Variants in CCSER1 observed in about 807,000 individuals in gnomAD.
CCSER1 encodes coiled-coil serine rich protein 1, also known as serine-rich coiled-coil domain-containing protein 1.
Under a neutral mutation model 82.0 loss-of-function variants are expected in CCSER1, and 41 were observed. The ratio of observed to expected loss-of-function variants is 0.50; its 90% CI spans 0.39 to 0.65. The LOEUF (loss-of-function observed/expected upper bound fraction) is 0.65. Ranked by LOEUF, CCSER1 falls within the 30% of genes least tolerant of loss-of-function variation. The pLI, the probability that CCSER1 is intolerant of heterozygous loss-of-function variation, is 0.00. For missense variants in CCSER1, 1,119 were observed against 1,064.2 expected (o/e 1.05, Z -0.72); for synonymous variants, 414 against 383.9 (o/e 1.08, Z -0.92).
At chr4:91,309,601 C>T (rs1363524393) in intron 10 of CCSER1, among the ~76,000 whole-genome samples, 1 of 150,684 alleles carries the variant, frequency 6.6e-6, no homozygotes, top group Non-Finnish European at 1.5e-5. Context: ...TTGCTTAAGA[C>T]AGTGTTACAT....
In CCSER1 at chr4:90,595,267, A is replaced by T. The variant is rs1477353637; in HGVS notation, c.1725-32758A>T. 2.0e-5 allele frequency among the ~76,000 whole-genome samples: 3 copies of T among 152,018 alleles called. 1 individual carries two copies. Among genetic ancestry groups the T allele is most frequent in the Admixed American group, 1.3e-4 (2 of 15,214 alleles). ...GTGGTCTATAAGAAAAAGCAAAGAA[A>T]ATACTGTTGCCTCAAACAGTTATTT... On this transcript the variant is annotated intron_variant, in intron 5 of 10. Transcript: ENST00000509176.
chr4:90,405,047 T>A (rs1277522385), intron 4 of CCSER1, among the ~76,000 whole-genome samples: 1 of 151,752 alleles, frequency 6.6e-6, no homozygotes, highest in Non-Finnish European at 1.5e-5. Context: ...AATTAGAAGG[T>A]CGATTATTAA....
intron 6 of CCSER1, among the ~76,000 whole-genome samples, chr4:90,666,212 T>C (rs1478679773): frequency 6.6e-6 from 1 of 152,212 alleles, no homozygotes; most frequent in Non-Finnish European, 1.5e-5. Flanking sequence ...ATATTAAGTC[T>C]ACACAGGGGA....
intron 7 of CCSER1, among the ~76,000 whole-genome samples, chr4:90,761,151 C>T (rs1347505551): frequency 1.3e-5 from 2 of 152,068 alleles, no homozygotes; most frequent in Non-Finnish European, 2.9e-5. Flanking sequence ...GTAGATGATG[C>T]TGTCGTTACT....
rs1725588344 is a variant in CCSER1 at position 91,106,121 on chromosome 4, AGGGT to A, written c.2217+20128_2217+20131del. Among the ~76,000 whole-genome samples the A allele has an allele frequency of 2.0e-5, 3 of 152,350 alleles. No individual in the cohort carries two copies. The South Asian group carries it at 6.2e-4, about 32-fold the overall frequency. The stretch of plus-strand genomic sequence containing the variant: ...ATTTCACTCTGAACACTAGAAAAAC[AGGGT>A]CCTGTCTCTTCGCCATAAAAAATGA... On this transcript the variant is annotated intron_variant, in intron 10 of 10. Coordinates refer to ENST00000509176, the MANE Select transcript of CCSER1 (RefSeq NM_001145065.2).
intron 10 of CCSER1, among the ~76,000 whole-genome samples, chr4:91,579,699 C>A (rs574832368): frequency 9.0e-4 from 137 of 151,732 alleles, no homozygotes; most frequent in African/African-American, 3.3e-3. Context: ...AAAGAAAAAT[C>A]AAAATACCTT....
chr4:90,229,000 G>A (rs1396192102), intron 1 of CCSER1, among the ~76,000 whole-genome samples: 1 of 152,178 alleles, frequency 6.6e-6, no homozygotes, highest in Non-Finnish European at 1.5e-5. Context: ...TCTGATTGGT[G>A]TAACTGAAAG....
At chr4:90,442,856 A>T (rs1252283798) in intron 4 of CCSER1, among the ~76,000 whole-genome samples, 1 of 152,174 alleles carries the variant, frequency 6.6e-6, no homozygotes, top group Admixed American at 6.5e-5. Context: ...GCTGACAGAG[A>T]GAGTGCCGGT....
At position 91,601,916 on chromosome 4, in the gene CCSER1, T is replaced by A. The variant is rs1409716946; in HGVS notation, c.*2859T>A. The A allele has an allele frequency of 6.6e-6, 1 of 152,062 alleles. No homozygotes were observed. Among genetic ancestry groups the A allele is most frequent in the African/African-American group, 2.4e-5 (1 of 41,440 alleles). The allele number at this position is 152,062 out of a possible 1,614,324, so 9.4% of individuals were successfully genotyped here. A position where few individuals can be genotyped will look rare whatever the true frequency, so the allele number is the denominator to read the frequency against. Reference sequence around the variant, plus strand: ...AATTATTGGAACATGAAACTGTATTTCTATGAACTCAATGATTTTTTTCCA... The same window carrying A: ...AATTATTGGAACATGAAACTGTATTACTATGAACTCAATGATTTTTTTCCA... On this transcript the variant is annotated 3_prime_UTR_variant, in exon 11 of 11. Transcript: ENST00000509176.
At chr4:90,568,010 T>A (rs1779611073) in intron 5 of CCSER1, among the ~76,000 whole-genome samples, 1 of 152,222 alleles carries the variant, frequency 6.6e-6, no homozygotes, top group Non-Finnish European at 1.5e-5. Context: ...TTTTGAAGTT[T>A]CTTCCGTTAT....
chr4:90,611,059 C>CTTTTTTTTTTTTTTTTTTTTTTTTTTTT lies in CCSER1; in HGVS notation c.1725-16946_1725-16945insTTTTTTTTTTTTTTTTTTTTTTTTTTTT, dbSNP rs201354908. Among the ~76,000 whole-genome samples the CTTTTTTTTTTTTTTTTTTTTTTTTTTTT allele has an allele frequency of 8.5e-5, 8 of 93,808 alleles. 2 individuals carry two copies. The highest frequency in any genetic ancestry group is 1.7e-4 in the African/African-American group (3 of 17,942). 61.5% of individuals were successfully genotyped at this position (93,808 alleles called of 152,430 possible). A position where few individuals can be genotyped will look rare whatever the true frequency, so the allele number is the denominator to read the frequency against. ...TGCCTGGCTAATTTTCTTTTCTTTT[C>CTTTTTTTTTTTTTTTTTTTTTTTTTTTT]TTTTTTTTTTTTTTTTTTTTGTAGA... On this transcript the variant is annotated intron_variant, in intron 5 of 10. Coordinates refer to ENST00000509176, the MANE Select transcript of CCSER1 (RefSeq NM_001145065.2).
intron 10 of CCSER1, chr4:91,108,074 T>C (rs950242916): frequency 8.5e-5 from 13 of 152,250 alleles, no homozygotes; most frequent in African/African-American, 3.1e-4. Context: ...GAAAGTCTTA[T>C]CTTTCATTGA....
At chr4:91,254,958 CTA>C (rs1326576185) in intron 10 of CCSER1, among the ~76,000 whole-genome samples, 1 of 152,056 alleles carries the variant, frequency 6.6e-6, no homozygotes, top group Non-Finnish European at 1.5e-5. Flanking sequence ...TCTATTATCT[CTA>C]TGATTTTTAC....
At chr4:90,646,575 T>C (rs1727644945) in intron 6 of CCSER1, among the ~76,000 whole-genome samples, 1 of 152,204 alleles carries the variant, frequency 6.6e-6, no homozygotes, top group South Asian at 2.1e-4. Context: ...CCAGGAAGTA[T>C]GTCTGCATTC....
chr4:91,503,932 G>A (rs1465528918), intron 10 of CCSER1, among the ~76,000 whole-genome samples: 1 of 152,132 alleles, frequency 6.6e-6, no homozygotes, highest in African/African-American at 2.4e-5. Flanking sequence ...AGTTTAATAA[G>A]TACCACTAAA....
At chr4:90,703,201 A>T (rs570846719) in intron 6 of CCSER1, among the ~76,000 whole-genome samples, 74 of 152,222 alleles carry the variant, frequency 4.9e-4, no homozygotes, top group African/African-American at 1.7e-3. Flanking sequence ...TCAAAGAACA[A>T]CTTTATTTCT....
chr4:90,143,731 C>T (rs563045580), intron 1 of CCSER1, among the ~76,000 whole-genome samples: 1 of 147,532 alleles, frequency 6.8e-6, no homozygotes, highest in East Asian at 2.0e-4. Flanking sequence ...GTCACCCAAG[C>T]TGGAGTGCAG....
chr4:90,193,003 T>C (rs1735939066), intron 1 of CCSER1, among the ~76,000 whole-genome samples: 1 of 152,094 alleles, frequency 6.6e-6, no homozygotes, highest in Admixed American at 6.6e-5. Flanking sequence ...AGGATTCCTA[T>C]TACCACCTCA....
At chr4:91,366,267 C>A (rs576318191) in intron 10 of CCSER1, among the ~76,000 whole-genome samples, 1 of 152,114 alleles carries the variant, frequency 6.6e-6, no homozygotes, top group Non-Finnish European at 1.5e-5. Context: ...GTGGTCCATC[C>A]GCCTCGGCCT....
Sources: allele counts gnomAD v4.1 joint callset (sites outside exome capture counted in the v4.1 genomes callset), GRCh38; gene constraint gnomAD v4.1.1; transcripts MANE v1.5; gene names NCBI Gene and HGNC (gene_info 2026-07-23, HGNC 2026-07-21).